Variants in GUCA1C observed in about 807,000 individuals in gnomAD.
The protein encoded by GUCA1C is guanylate cyclase activator 1C, also known as guanylyl cyclase-activating protein 3.
GUCA1C carries 15 observed loss-of-function variants against 16.2 expected under a neutral mutation model. The observed-to-expected ratio is 0.93, with a 90% CI of 0.62 to 1.43. The LOEUF (loss-of-function observed/expected upper bound fraction) is 1.43. GUCA1C is among the 40% of genes most tolerant of loss of function. The probability of loss-of-function intolerance (pLI) is 0.00; values close to 1 mark genes in which losing one functional copy is unlikely to be tolerated. For synonymous variants in GUCA1C, 78 were observed against 85.4 expected, an observed-to-expected ratio of 0.91 and a Z score of 0.48; for missense variants, 275 against 244.8, an observed-to-expected ratio of 1.12 and a Z score of -0.82.
At chr3:108,924,488 AC>A (rs532838120) in intron 1 of GUCA1C, among the ~76,000 whole-genome samples, 201 of 145,102 alleles carry the variant, frequency 1.4e-3, no homozygotes, top group African/African-American at 4.3e-3. Flanking sequence ...CTAATATAAA[AC>A]CCACTTGATC....
intron 1 of GUCA1C, among the ~76,000 whole-genome samples, chr3:108,936,395 T>A (rs1241038932): frequency 6.6e-6 from 1 of 152,228 alleles, no homozygotes; most frequent in Admixed American, 6.5e-5. Context: ...TCACTTTCAA[T>A]GCATTATTTC....
intron 2 of GUCA1C, among the ~76,000 whole-genome samples, chr3:108,916,839 C>G (rs972946465): frequency 6.6e-6 from 1 of 152,156 alleles, no homozygotes; most frequent in African/African-American, 2.4e-5. Context: ...AATTAAATGA[C>G]CCAGACTTGA....
chr3:108,940,021 T>G (rs143403708), intron 1 of GUCA1C, among the ~76,000 whole-genome samples: 1 of 152,190 alleles, frequency 6.6e-6, no homozygotes, highest in East Asian at 1.9e-4. Context: ...GTGGGTAAAG[T>G]TGATGTCTTT....
chr3:108,907,972 C>T lies in GUCA1C; in HGVS notation c.*50G>A, dbSNP rs756131020. On this transcript the variant is annotated 3_prime_UTR_variant, in exon 4 of 4. Transcript: ENST00000261047. ...GTACATGGGGAAGATTCTATTTCTT[C>T]TCTACTGAAATGTTGTGCTCATTGA... 9.8e-6 allele frequency: 13 copies of T among 1,329,086 alleles called. No homozygotes were observed. Among genetic ancestry groups the T allele is most frequent in the Non-Finnish European group, 1.3e-5 (12 of 946,626 alleles). The allele number at this position is 1,329,086 out of a possible 1,614,324, so 82.3% of individuals were successfully genotyped here. A position where few individuals can be genotyped will look rare whatever the true frequency, so the allele number is the denominator to read the frequency against.
intron 3 of GUCA1C, among the ~76,000 whole-genome samples, chr3:108,912,574 TAAAGA>T (rs775329365): frequency 5.3e-5 from 8 of 152,022 alleles, no homozygotes; most frequent in Non-Finnish European, 1.0e-4. Context: ...CAGAAAGATG[TAAAGA>T]AAAGAAAAAA....
intron 3 of GUCA1C, among the ~76,000 whole-genome samples, chr3:108,909,556 G>A (rs537639617): frequency 6.6e-6 from 1 of 152,306 alleles, no homozygotes; most frequent in South Asian, 2.1e-4. Flanking sequence ...GCATGACCAA[G>A]AGAGAAGTGG....
intron 1 of GUCA1C, among the ~76,000 whole-genome samples, chr3:108,932,784 G>A (rs1424747584): frequency 6.6e-6 from 1 of 152,022 alleles, no homozygotes; most frequent in Non-Finnish European, 1.5e-5. Context: ...AGCCGGGCGT[G>A]GCGGCGCATG....
intron 3 of GUCA1C, among the ~76,000 whole-genome samples, chr3:108,914,285 T>C (rs1946485370): frequency 6.6e-6 from 1 of 152,266 alleles, no homozygotes; most frequent in African/African-American, 2.4e-5. Context: ...ACCCAGCCCT[T>C]TCTACTTCAA....
intron 1 of GUCA1C, among the ~76,000 whole-genome samples, chr3:108,951,386 C>T (rs78620247): frequency 0.034 from 5,126 of 152,152 alleles, 274 homozygotes; most frequent in African/African-American, 0.11. Context: ...TATCTCATAA[C>T]ATCATGTTGC....
chr3:108,946,452 C>A (rs1026453487), intron 1 of GUCA1C, among the ~76,000 whole-genome samples: 2 of 152,112 alleles, frequency 1.3e-5, no homozygotes, highest in African/African-American at 4.8e-5. Context: ...ACATTTTGTT[C>A]TCTGCATAGC....
chr3:108,911,841 C>T (rs1345335620), intron 3 of GUCA1C, among the ~76,000 whole-genome samples: 1 of 152,114 alleles, frequency 6.6e-6, no homozygotes, highest in African/African-American at 2.4e-5. Context: ...CATGGTGGCT[C>T]ATGCCTGTAA....
chr3:108,911,076 A>G (rs1471136372), intron 3 of GUCA1C, among the ~76,000 whole-genome samples: 1 of 152,168 alleles, frequency 6.6e-6, no homozygotes, highest in East Asian at 1.9e-4. Flanking sequence ...TGCATTCTGT[A>G]TGTCTGGGGA....
At chr3:108,920,038 C>A (rs1946554840) in intron 2 of GUCA1C, among the ~76,000 whole-genome samples, 1 of 152,110 alleles carries the variant, frequency 6.6e-6, no homozygotes, top group Non-Finnish European at 1.5e-5. Flanking sequence ...GTATAGCTCC[C>A]AGAAAGATTA....
chr3:108,947,391 T>A (rs920489711), intron 1 of GUCA1C, among the ~76,000 whole-genome samples: 1 of 152,012 alleles, frequency 6.6e-6, no homozygotes. Flanking sequence ...GTCTCAGGGG[T>A]GGCAGAGAAG....
At chr3:108,912,103 C>CAATAATAATAATAAT (rs144187451) in intron 3 of GUCA1C, among the ~76,000 whole-genome samples, 12,909 of 125,594 alleles carry the variant, frequency 0.1, 864 homozygotes, top group African/African-American at 0.18. Context: ...GACTCCGTCT[C>CAATAATAATAATAAT]AATAATAATA....
At chr3:108,942,260 C>T (rs1461984471) in intron 1 of GUCA1C, among the ~76,000 whole-genome samples, 1 of 152,088 alleles carries the variant, frequency 6.6e-6, no homozygotes, top group Non-Finnish European at 1.5e-5. Context: ...TGAGTGTTAG[C>T]CTTTATGAGT....
chr3:108,917,862 T>C (rs186338864), intron 2 of GUCA1C, among the ~76,000 whole-genome samples: 119 of 152,194 alleles, frequency 7.8e-4, no homozygotes, highest in Middle Eastern at 3.4e-3. Context: ...CTGGCCAATA[T>C]GGTGAAACCC....
intron 1 of GUCA1C, among the ~76,000 whole-genome samples, chr3:108,927,432 C>CTTTTTTTTTTTTT (rs55930777): frequency 3.9e-5 from 5 of 128,274 alleles, no homozygotes; most frequent in South Asian, 2.5e-4. Context: ...TTTTTTAATT[C>CTTTTTTTTTTTTT]TTTTTTTTTT....
rs999858023 is a variant in GUCA1C at position 108,931,132 on chromosome 3, T to C, written c.205-10547A>G. On this transcript the variant is annotated intron_variant, in intron 1 of 3. Coordinates refer to ENST00000261047, the MANE Select transcript of GUCA1C (RefSeq NM_005459.4). ...GAGCATCCTCCCTGCAAGCCTGGCTTGTTATTAAGTTGATCCTCCAGAGTT... is the reference window on the plus strand; with the variant it reads ...GAGCATCCTCCCTGCAAGCCTGGCTCGTTATTAAGTTGATCCTCCAGAGTT... 5.3e-5 allele frequency among the ~76,000 whole-genome samples: 8 copies of C among 152,290 alleles called. 1 individual carries two copies. The East Asian group carries it at 1.5e-3, about 29-fold the overall frequency.
Sources: allele counts gnomAD v4.1 joint callset (sites outside exome capture counted in the v4.1 genomes callset), GRCh38; gene constraint gnomAD v4.1.1; transcripts MANE v1.5; gene names NCBI Gene and HGNC (gene_info 2026-07-23, HGNC 2026-07-21).